The following LOC400499 variants were observed in gnomAD, a reference collection of about 807,000 sequenced individuals.
the LOC400499 span, chr16:11,460,359 T>A: frequency 2.4e-6 from 3 of 1,235,268 alleles, no homozygotes; most frequent in Non-Finnish European, 3.2e-6. Context: ...TCCATTCCCA[T>A]ATGGCTATGT....
the LOC400499 span, among the ~76,000 whole-genome samples, chr16:11,408,594 G>A: frequency 6.6e-6 from 1 of 151,828 alleles, no homozygotes; most frequent in Non-Finnish European, 1.5e-5. Flanking sequence ...AGCCTCCCTG[G>A]TAGCTGAGAT....
At chr16:11,474,893 T>A in the LOC400499 span, among the ~76,000 whole-genome samples, 1 of 152,064 alleles carries the variant, frequency 6.6e-6, no homozygotes, top group Admixed American at 6.6e-5. Flanking sequence ...AATATCGGGA[T>A]CCCAATTCGC....
chr16:11,477,671 C>G, the LOC400499 span: 149 of 392,950 alleles, frequency 3.8e-4, no homozygotes, highest in African/African-American at 2.8e-3. Context: ...ATCTAACCAC[C>G]CAGCATCTCT....
the LOC400499 span, chr16:11,385,193 C>T: frequency 8.1e-7 from 1 of 1,231,854 alleles, no homozygotes; most frequent in Non-Finnish European, 1.0e-6. Context: ...TACAGGCTGC[C>T]ATGCCTCTCC....
the LOC400499 span, among the ~76,000 whole-genome samples, chr16:11,481,839 T>G: frequency 1.3e-5 from 2 of 152,114 alleles, no homozygotes; most frequent in African/African-American, 2.4e-5. Flanking sequence ...ATCACTATGT[T>G]GACCCGGCTG....
the LOC400499 span, among the ~76,000 whole-genome samples, chr16:11,403,985 C>T: frequency 2.0e-5 from 3 of 152,226 alleles, no homozygotes; most frequent in African/African-American, 4.8e-5. Flanking sequence ...CCCTTCTCCC[C>T]ATTCCAGCCA....
chr16:11,392,883 T>TTG, the LOC400499 span: 1 of 816,008 alleles, frequency 1.2e-6, no homozygotes, highest in African/African-American at 1.8e-5. Context: ...AGACAGAGTC[T>TTG]CGCTCTGTCG....
chr16:11,441,184 T>C, the LOC400499 span: 1 of 397,806 alleles, frequency 2.5e-6, no homozygotes, highest in Non-Finnish European at 4.4e-6. Context: ...GTCCAAAGAT[T>C]GATGGGTTAT....
At chr16:11,476,549 A>T in the LOC400499 span, among the ~76,000 whole-genome samples, 1 of 146,888 alleles carries the variant, frequency 6.8e-6, no homozygotes, top group African/African-American at 2.7e-5. Flanking sequence ...ATACATTCTC[A>T]TATGTCTGAT....
the LOC400499 span, among the ~76,000 whole-genome samples, chr16:11,375,163 G>A: frequency 3.5e-5 from 5 of 144,664 alleles, 2 homozygotes; most frequent in African/African-American, 1.3e-4. Context: ...ACTCTTTGAT[G>A]AATTGCCATA....
chr16:11,389,621 G>C, the LOC400499 span, among the ~76,000 whole-genome samples: 34 of 123,858 alleles, frequency 2.7e-4, no homozygotes, highest in East Asian at 8.5e-3. Flanking sequence ...GGAAGTGAAG[G>C]TTTCAGTGAG....
At chr16:11,381,679 G>C in the LOC400499 span, among the ~76,000 whole-genome samples, 3 of 152,240 alleles carry the variant, frequency 2.0e-5, no homozygotes, top group East Asian at 3.9e-4. Context: ...GTGCTGAGAG[G>C]CTTTTTCATT....
At chr16:11,399,598 G>A in the LOC400499 span, 21 of 398,802 alleles carry the variant, frequency 5.3e-5, no homozygotes, top group Middle Eastern at 3.1e-3. Flanking sequence ...AGGTTTCCTG[G>A]AGCTGATAGG....
At chr16:11,491,561 G>C in the LOC400499 span, 3 of 389,390 alleles carry the variant, frequency 7.7e-6, no homozygotes, top group Admixed American at 4.5e-5. Context: ...GTGTGGTAGA[G>C]AAACAGGGGA....
At chr16:11,508,624 A>G in the LOC400499 span, 1 of 397,664 alleles carries the variant, frequency 2.5e-6, no homozygotes, top group East Asian at 3.6e-5. Flanking sequence ...AATATCTGAG[A>G]GGATGGGCCA....
chr16:11,450,078 G>C, the LOC400499 span, among the ~76,000 whole-genome samples: 1 of 152,088 alleles, frequency 6.6e-6, no homozygotes, highest in African/African-American at 2.4e-5. Flanking sequence ...AGAGGGGACT[G>C]TGCTGCCCTC....
chr16:11,482,891 C>CA, the LOC400499 span, among the ~76,000 whole-genome samples: 258 of 100,752 alleles, frequency 2.6e-3, 1 homozygote, highest in African/African-American at 5.2e-3. Context: ...GACCTCAACT[C>CA]AAAAAAAAAA....
chr16:11,451,938 A>G, the LOC400499 span, among the ~76,000 whole-genome samples: 3 of 152,210 alleles, frequency 2.0e-5, no homozygotes, highest in African/African-American at 7.2e-5. Flanking sequence ...AGATGGCACC[A>G]CAGAAGAACA....
chr16:11,488,664 T>G, the LOC400499 span: 2 of 398,352 alleles, frequency 5.0e-6, no homozygotes, highest in Non-Finnish European at 8.9e-6. Context: ...TCCCCCAGCC[T>G]TTGTGGTTCC....
Sources: allele counts gnomAD v4.1 joint callset (sites outside exome capture counted in the v4.1 genomes callset), GRCh38; gene constraint gnomAD v4.1.1; transcripts MANE v1.5.